The following PPM1N variants were observed in gnomAD, a reference collection of about 807,000 sequenced individuals.
PPM1N encodes the protein probable protein phosphatase 1N.
A neutral mutation model predicts 32.6 loss-of-function variants in PPM1N; 35 were observed. That is an observed-to-expected ratio of 1.07 (90% CI 0.82 to 1.43). The LOEUF (loss-of-function observed/expected upper bound fraction) is 1.43. PPM1N is among the 40% of genes most tolerant of loss of function. The pLI, the probability that PPM1N is intolerant of heterozygous loss-of-function variation, is 0.00. For synonymous variants in PPM1N, 275 were observed against 270.5 expected, an observed-to-expected ratio of 1.02 and a Z score of -0.16; for missense variants, 648 against 606.6, an observed-to-expected ratio of 1.07 and a Z score of -0.72.
chr19:45,498,889 G>A lies in PPM1N; in HGVS notation c.417G>A (p.Ala139=). 1 of 1,518,630 alleles carries A rather than the reference G, an allele frequency of 6.6e-7. No individual in the cohort carries two copies. Among genetic ancestry groups the A allele is most frequent in the South Asian group, 1.2e-5 (1 of 80,924 alleles). 94.1% of individuals were successfully genotyped at this position (1,518,630 alleles called of 1,614,324 possible). The change falls in exon 1 of 5, where the codon GCG becomes GCA. Residue 139 remains alanine, a synonymous_variant. Transcript: ENST00000451287. ...EPSEPEGVRE[A]LRRAFLSADE... ...GCGAGCCCGAGGGCGTGCGCGAGGCGCTGCGCCGAGCCTTCTTGAGCGCCG... is the reference window on the plus strand; with the variant it reads ...GCGAGCCCGAGGGCGTGCGCGAGGCACTGCGCCGAGCCTTCTTGAGCGCCG...
Position 45,502,328 on chromosome 19 carries a change from A to AAAAAAAAAAAAAAAC in PPM1N, c.*249_*250insAAAAAAAACAAAAAA, listed in dbSNP as rs1968430853. The AAAAAAAAAAAAAAAC allele has an allele frequency of 2.1e-6, 1 of 487,738 alleles. No individual in the cohort carries two copies. Among genetic ancestry groups the AAAAAAAAAAAAAAAC allele is most frequent in the Non-Finnish European group, 3.5e-6 (1 of 286,070 alleles). 30.2% of individuals were successfully genotyped at this position (487,738 alleles called of 1,614,324 possible). On this transcript the variant is annotated 3_prime_UTR_variant, in exon 5 of 5. Transcript: ENST00000451287. ...AAATCGAAAAAAAAAAAAAAAAAAA[A>AAAAAAAAAAAAAAAC]AAAAAACAAAAAAACCCAACCAAAT...
Position 45,499,947 on chromosome 19 carries a change from A to C in PPM1N, c.940-2A>C. The C allele has an allele frequency of 2.5e-6, 4 of 1,575,542 alleles. No homozygotes were observed. In the South Asian group the frequency reaches 4.7e-5, roughly 18 times the overall value. Reference sequence around the variant, plus strand: ...GGGCTCCTTTTTCTCCACCGGCTTCAGGGCAGCCTGGACAACATGACCTGC... The same window carrying C: ...GGGCTCCTTTTTCTCCACCGGCTTCCGGGCAGCCTGGACAACATGACCTGC... On this transcript the variant is annotated splice_acceptor_variant, in intron 1 of 4. Coordinates refer to ENST00000451287, the MANE Select transcript of PPM1N (RefSeq NM_001080401.2). LOFTEE classifies it high-confidence loss of function.
At position 45,499,297 on chromosome 19, in the gene PPM1N, C is replaced by T; in HGVS notation, c.825C>T (p.Gly275=). The change falls in exon 1 of 5, where the codon GGC becomes GGT. Residue 275 remains glycine, a synonymous_variant. Transcript: ENST00000451287. ...EDEFMLLASD[G]VWDTVSGAAL... ...AGTTCATGCTCCTGGCCTCTGATGG[C>T]GTCTGGGACACTGTGTCTGGTGCTG... 1 of 1,613,074 alleles carries T rather than the reference C, an allele frequency of 6.2e-7. No individual in the cohort carries two copies. The highest frequency in any genetic ancestry group is 1.1e-5 in the South Asian group (1 of 91,074).
Position 45,498,760 on chromosome 19 carries a change from G to A in PPM1N, c.288G>A (p.Trp96Ter), listed in dbSNP as rs1403500779. 4.5e-6 allele frequency: 7 copies of A among 1,558,920 alleles called. No individual in the cohort carries two copies. In the South Asian group the frequency reaches 6.0e-5, roughly 13 times the overall value. Reference sequence around the variant, plus strand: ...CGTTACCTGGTCTGCCCCCGGGCTGGGCCTTGTTTGCCGTCCTCGACGGCC... The same window carrying A: ...CGTTACCTGGTCTGCCCCCGGGCTGAGCCTTGTTTGCCGTCCTCGACGGCC... ...WLSLPGLPPG[W>*]ALFAVLDGHG... Residue 96 changes from tryptophan to a stop codon, truncating the protein, a stop_gained, in exon 1 of 5, where the codon TGG becomes TGA. Transcript: ENST00000451287. LOFTEE classifies it high-confidence loss of function.
At chr19:45,501,542 T>C (rs1177562159) in intron 4 of PPM1N, among the ~76,000 whole-genome samples, 2 of 152,192 alleles carry the variant, frequency 1.3e-5, no homozygotes, top group African/African-American at 2.4e-5. Context: ...GGAAGCCCAA[T>C]TCAAGCTGGG....
At chr19:45,501,102 C>T (rs1301740964) in intron 4 of PPM1N, among the ~76,000 whole-genome samples, 1 of 152,148 alleles carries the variant, frequency 6.6e-6, no homozygotes, top group African/African-American at 2.4e-5. Flanking sequence ...AGAGAAGAGA[C>T]TGTGATTCCC....
chr19:45,502,352 A>C lies in PPM1N; in HGVS notation c.*267A>C. Reference sequence around the variant, plus strand: ...AAAAAAAACAAAAAAACCCAACCAAATGTTTTTGAAATATTCAGAGCCGAA... The same window carrying C: ...AAAAAAAACAAAAAAACCCAACCAACTGTTTTTGAAATATTCAGAGCCGAA... On this transcript the variant is annotated 3_prime_UTR_variant, in exon 5 of 5. Transcript: ENST00000451287. The C allele has an allele frequency of 2.9e-5, 16 of 559,280 alleles. No homozygotes were observed. The highest frequency in any genetic ancestry group is 4.1e-5 in the African/African-American group (2 of 48,214). 34.6% of individuals were successfully genotyped at this position (559,280 alleles called of 1,614,324 possible). A position where few individuals can be genotyped will look rare whatever the true frequency, so the allele number is the denominator to read the frequency against.
rs539685092 is a variant in PPM1N at position 45,502,328 on chromosome 19, A to G, written c.*243A>G. 8.2e-6 allele frequency: 4 copies of G among 487,738 alleles called. No homozygotes were observed. In the African/African-American group the frequency reaches 1.0e-4, roughly 12 times the overall value. The allele number at this position is 487,738 out of a possible 1,614,324, so 30.2% of individuals were successfully genotyped here. A position where few individuals can be genotyped will look rare whatever the true frequency, so the allele number is the denominator to read the frequency against. On this transcript the variant is annotated 3_prime_UTR_variant, in exon 5 of 5. Transcript: ENST00000451287. The stretch of plus-strand genomic sequence containing the variant: ...AAATCGAAAAAAAAAAAAAAAAAAA[A>G]AAAAAACAAAAAAACCCAACCAAAT...
At position 45,498,446 on chromosome 19, in the gene PPM1N, G is replaced by A. The variant is rs1390923194; in HGVS notation, c.-27G>A. On this transcript the variant is annotated 5_prime_UTR_variant, in exon 1 of 5. Coordinates refer to ENST00000451287, the MANE Select transcript of PPM1N (RefSeq NM_001080401.2). ...AGGGGGCGGGCAGGTGTACAGGGTG[G>A]AGCCTTCCTGATCCCAGGGCTGAAG... 7.5e-7 allele frequency: 1 copy of A among 1,329,858 alleles called. No homozygotes were observed. The allele number at this position is 1,329,858 out of a possible 1,614,324, so 82.4% of individuals were successfully genotyped here.
At chr19:45,500,382 G>T in intron 2 of PPM1N, 74 bp from the exon 3 acceptor site, 2 of 1,347,594 alleles carry the variant, frequency 1.5e-6, no homozygotes, top group South Asian at 2.5e-5. Context: ...TGATCCGCCC[G>T]CCTTGGTCTC....
Position 45,498,598 on chromosome 19 carries a change from T to C in PPM1N, c.126T>C (p.Pro42=). The change falls in exon 1 of 5, where the codon CCT becomes CCC. Residue 42 remains proline, a synonymous_variant. Coordinates refer to ENST00000451287, the MANE Select transcript of PPM1N (RefSeq NM_001080401.2). ...EEAGRRAPEG[P]RSLLTAPRRA... ...CGGGGCGCAGGGCCCCCGAAGGGCC[T>C]CGGTCTCTGTTGACAGCGCCGCGCC... 6.9e-7 allele frequency: 1 copy of C among 1,454,062 alleles called. No homozygotes were observed. The highest frequency in any genetic ancestry group is 9.0e-7 in the Non-Finnish European group (1 of 1,107,760). The allele number at this position is 1,454,062 out of a possible 1,614,324, so 90.1% of individuals were successfully genotyped here.
chr19:45,498,496 G>A lies in PPM1N; in HGVS notation c.24G>A (p.Leu8=). The part of the protein sequence containing the change: MAVLARQ[L]QRLLWTACKK... ...GGATGGCGGTCCTGGCCCGCCAGCTGCAGCGTCTCCTCTGGACCGCTTGCA... is the reference window on the plus strand; with the variant it reads ...GGATGGCGGTCCTGGCCCGCCAGCTACAGCGTCTCCTCTGGACCGCTTGCA... Residue 8 remains leucine (L), a synonymous_variant, in exon 1 of 5, where the codon CTG becomes CTA. Coordinates refer to ENST00000451287, the MANE Select transcript of PPM1N (RefSeq NM_001080401.2). 1 of 1,358,756 alleles carries A rather than the reference G, an allele frequency of 7.4e-7. No individual in the cohort carries two copies. 84.2% of individuals were successfully genotyped at this position (1,358,756 alleles called of 1,614,324 possible).
intron 4 of PPM1N, among the ~76,000 whole-genome samples, 181 bp downstream of exon 4, chr19:45,500,891 CT>C (rs888631161): frequency 4.7e-5 from 7 of 149,846 alleles, no homozygotes; most frequent in Admixed American, 4.7e-4. Flanking sequence ...TTCTCTCTCT[CT>C]TTTTTTTTAG....
rs554493853 is a variant in PPM1N, at chr19:45,499,795, G to A, written c.940-154G>A. ...TCTCAATTGGGAGCGCCTAGGACCGGGTTTGGTCCCAGTAAGAGAGGATTG... is the reference window on the plus strand; with the variant it reads ...TCTCAATTGGGAGCGCCTAGGACCGAGTTTGGTCCCAGTAAGAGAGGATTG... On this transcript the variant is annotated intron_variant, in intron 1 of 4. Coordinates refer to ENST00000451287, the MANE Select transcript of PPM1N (RefSeq NM_001080401.2). The A allele has an allele frequency of 2.7e-6, 4 of 1,497,954 alleles. No homozygotes were observed. The African/African-American group carries it at 5.6e-5, about 21-fold the overall frequency. The allele number at this position is 1,497,954 out of a possible 1,614,324, so 92.8% of individuals were successfully genotyped here.
rs541485542 is a variant in PPM1N at position 45,502,135 on chromosome 19, C to T, written c.*50C>T. 7.0e-7 allele frequency: 1 copy of T among 1,437,596 alleles called. No individual in the cohort carries two copies. The highest frequency in any genetic ancestry group is 1.9e-5 in the Admixed American group (1 of 53,612). 89.1% of individuals were successfully genotyped at this position (1,437,596 alleles called of 1,614,324 possible). A position where few individuals can be genotyped will look rare whatever the true frequency, so the allele number is the denominator to read the frequency against. ...TTGCTTCTCTGGGGCCTCAACAGAACTAAAGAAGAAAACCGACCCTTTCCC... is the reference window on the plus strand; with the variant it reads ...TTGCTTCTCTGGGGCCTCAACAGAATTAAAGAAGAAAACCGACCCTTTCCC... On this transcript the variant is annotated 3_prime_UTR_variant, in exon 5 of 5. Transcript: ENST00000451287.
Position 45,500,447 on chromosome 19 carries a change from CTT to C in PPM1N, c.1058-7_1058-6del, listed in dbSNP as rs1968394335. On this transcript the variant is annotated splice_region_variant and splice_polypyrimidine_tract_variant and intron_variant, in intron 2 of 4. Coordinates refer to ENST00000451287, the MANE Select transcript of PPM1N (RefSeq NM_001080401.2). ...ACTGTGCCCAGCCTAACTCTTGACT[CTT>C]TCTCAGAACTGTGTGCCTCTGCTCA... is the stretch of plus-strand genomic sequence containing the variant. 2 of 1,598,936 alleles carry C rather than the reference CTT, an allele frequency of 1.3e-6. No individual in the cohort carries two copies. Among genetic ancestry groups the C allele is most frequent in the Non-Finnish European group, 8.5e-7 (1 of 1,172,326 alleles).
intron 1 of PPM1N, 80 bp downstream of exon 1, chr19:45,499,491 T>C: frequency 1.3e-6 from 2 of 1,588,314 alleles, no homozygotes; most frequent in Non-Finnish European, 1.7e-6. Flanking sequence ...GAGGAGGGCT[T>C]TGATAGAGAG....
At position 45,502,280 on chromosome 19, in the gene PPM1N, C is replaced by T; in HGVS notation, c.*195C>T. ...ACGAATGGGGAAATTCCACCAACAT[C>T]CAGACCAAAAAGAAAAAAGCCCAAA... On this transcript the variant is annotated 3_prime_UTR_variant, in exon 5 of 5. Coordinates refer to ENST00000451287, the MANE Select transcript of PPM1N (RefSeq NM_001080401.2). The T allele has an allele frequency of 4.3e-6, 1 of 234,442 alleles. No homozygotes were observed. The highest frequency in any genetic ancestry group is 8.9e-6 in the Non-Finnish European group (1 of 112,054). The allele number at this position is 234,442 out of a possible 1,614,324, so 14.5% of individuals were successfully genotyped here. A position where few individuals can be genotyped will look rare whatever the true frequency, so the allele number is the denominator to read the frequency against.
At chr19:45,501,955 G>T (rs1968420193) in intron 4 of PPM1N, 62 bp from the exon 5 acceptor site, 1 of 1,141,454 alleles carries the variant, frequency 8.8e-7, no homozygotes, top group African/African-American at 1.6e-5. Context: ...AAAGGAAAAG[G>T]AAGAGGTGCC....
Sources: gnomAD v4.1 joint callset for allele counts (sites outside exome capture counted in the v4.1 genomes callset) on GRCh38, gnomAD v4.1.1 for gene constraint, MANE v1.5 for transcripts, NCBI Gene and HGNC (gene_info 2026-07-23, HGNC 2026-07-21) for gene names.